SLC44A3: variants seen among roughly 807,000 people sequenced by gnomAD.
SLC44A3 encodes the protein choline transporter-like protein 3.
Under a neutral mutation model 75.4 loss-of-function variants are expected in SLC44A3, and 74 were observed. The ratio of observed to expected loss-of-function variants is 0.98; its 90% CI spans 0.81 to 1.19. The LOEUF (loss-of-function observed/expected upper bound fraction) is 1.19. SLC44A3 is among the 50% of genes most tolerant of loss of function. The probability of loss-of-function intolerance (pLI) is 0.00; values close to 1 mark genes in which losing one functional copy is unlikely to be tolerated. For synonymous variants in SLC44A3, 310 were observed against 296.9 expected (o/e 1.04, Z -0.45); for missense variants, 700 against 778.6 (o/e 0.90, Z 1.20).
chr1:94,893,664 ACC>A (rs1670463408), intron 14 of SLC44A3, among the ~76,000 whole-genome samples: 1 of 152,104 alleles, frequency 6.6e-6, no homozygotes, highest in Non-Finnish European at 1.5e-5. Context: ...GTTGTGAGCC[ACC>A]GCACTCAGCC....
chr1:94,889,553 C>CACACACAA (rs370393089), intron 12 of SLC44A3, among the ~76,000 whole-genome samples: 2 of 149,428 alleles, frequency 1.3e-5, no homozygotes, highest in Admixed American at 6.7e-5. Flanking sequence ...CACACACACA[C>CACACACAA]ATTTGTAGTC....
At chr1:94,833,744 A>G (rs1048676721) in intron 5 of SLC44A3, among the ~76,000 whole-genome samples, 7 of 152,118 alleles carry the variant, frequency 4.6e-5, no homozygotes, top group Non-Finnish European at 8.8e-5. Flanking sequence ...ATGGAGTCAC[A>G]TGACAAGTCT....
chr1:94,886,514 C>T (rs909715547), intron 12 of SLC44A3, among the ~76,000 whole-genome samples: 4 of 152,082 alleles, frequency 2.6e-5, no homozygotes, highest in Admixed American at 2.6e-4. Flanking sequence ...CCTGCTGCTG[C>T]CTCCTACCCT....
chr1:94,873,632 G>T (rs148832577), intron 12 of SLC44A3, among the ~76,000 whole-genome samples: 1 of 151,962 alleles, frequency 6.6e-6, no homozygotes, highest in African/African-American at 2.4e-5. Context: ...CTCTTCCCCC[G>T]CCCCTTTCCT....
intron 14 of SLC44A3, among the ~76,000 whole-genome samples, chr1:94,893,636 A>G (rs576638325): frequency 2.6e-5 from 4 of 152,088 alleles, no homozygotes; most frequent in Admixed American, 2.6e-4. Flanking sequence ...TCGGCCTCCC[A>G]CAAGTGCTGG....
Position 94,858,024 on chromosome 1 carries a change from G to T in SLC44A3, c.1238+524G>T, listed in dbSNP as rs564276321. On this transcript the variant is annotated intron_variant, in intron 10 of 14. Coordinates refer to ENST00000271227, the MANE Select transcript of SLC44A3 (RefSeq NM_001114106.3). ...AGACAGGGTTTCACCATGTTGGCCA[G>T]GATGGTCTTGATCTCTTGACCTCGT... is the stretch of plus-strand genomic sequence containing the variant. Among the ~76,000 whole-genome samples, 502 of 152,092 alleles carry T rather than the reference G, an allele frequency of 3.3e-3. 1 individual carries two copies. The highest frequency in any genetic ancestry group is 5.3e-3 in the Non-Finnish European group (362 of 67,992).
chr1:94,862,379 C>A (rs564738730), intron 10 of SLC44A3, among the ~76,000 whole-genome samples: 136 of 152,290 alleles, frequency 8.9e-4, no homozygotes, highest in African/African-American at 3.1e-3. Context: ...CAAAGCTTGT[C>A]TCTAGGACCA....
At chr1:94,847,157 A>G (rs1038039945) in intron 9 of SLC44A3, among the ~76,000 whole-genome samples, 3 of 152,246 alleles carry the variant, frequency 2.0e-5, no homozygotes, top group Non-Finnish European at 4.4e-5. Context: ...AACTCAAAAC[A>G]ACAGTGGCTA....
At chr1:94,826,637 CA>C (rs34931563) in intron 3 of SLC44A3, among the ~76,000 whole-genome samples, 115,664 of 128,076 alleles carry the variant, frequency 0.9, 52,128 homozygotes, top group Non-Finnish European at 0.96. Context: ...GACTCTGTCT[CA>C]AAAAAAAAAA....
chr1:94,853,565 C>T (rs974536873), intron 9 of SLC44A3, among the ~76,000 whole-genome samples: 1 of 152,112 alleles, frequency 6.6e-6, no homozygotes, highest in Non-Finnish European at 1.5e-5. Context: ...GAAGTGTGGC[C>T]ATAGGATCAT....
intron 9 of SLC44A3, 53 bp from the exon 10 acceptor site, chr1:94,857,282 G>A (rs1665991614): frequency 6.7e-7 from 1 of 1,495,916 alleles, no homozygotes; most frequent in South Asian, 1.4e-5. Context: ...TTGAACCATG[G>A]TTCATGCTTA....
At chr1:94,857,784 G>C (rs1254987708) in intron 10 of SLC44A3, among the ~76,000 whole-genome samples, 2 of 149,574 alleles carry the variant, frequency 1.3e-5, no homozygotes, top group Non-Finnish European at 3.0e-5. Flanking sequence ...AAGATAAAAA[G>C]GGGCTGCTCT....
At chr1:94,844,866 G>A (rs1571248225) in intron 8 of SLC44A3, among the ~76,000 whole-genome samples, 1 of 152,216 alleles carries the variant, frequency 6.6e-6, no homozygotes, top group Non-Finnish European at 1.5e-5. Flanking sequence ...GGGAAAGCTA[G>A]AAGAAGGCAC....
At chr1:94,849,930 T>C (rs1664986753) in intron 9 of SLC44A3, among the ~76,000 whole-genome samples, 1 of 152,092 alleles carries the variant, frequency 6.6e-6, no homozygotes, top group Non-Finnish European at 1.5e-5. Context: ...TATTTTTTTG[T>C]AGAGACAGGA....
chr1:94,878,053 T>A (rs1173371590), intron 12 of SLC44A3, among the ~76,000 whole-genome samples: 3 of 151,894 alleles, frequency 2.0e-5, no homozygotes, highest in Admixed American at 1.3e-4. Flanking sequence ...GCTAACACGG[T>A]GAAACCCCGT....
chr1:94,857,662 G>T (rs973347880), intron 10 of SLC44A3, among the ~76,000 whole-genome samples, 162 bp downstream of exon 10: 3 of 152,102 alleles, frequency 2.0e-5, no homozygotes, highest in Non-Finnish European at 2.9e-5. Flanking sequence ...CTCATTTGGT[G>T]GTGAGAAGAA....
intron 6 of SLC44A3, among the ~76,000 whole-genome samples, chr1:94,839,685 G>T (rs1399492847): frequency 6.6e-6 from 1 of 152,096 alleles, no homozygotes; most frequent in African/African-American, 2.4e-5. Flanking sequence ...CACCATGCCC[G>T]GCCAAATTTT....
intron 12 of SLC44A3, among the ~76,000 whole-genome samples, chr1:94,879,396 G>A (rs1338545235): frequency 6.6e-6 from 1 of 151,954 alleles, no homozygotes; most frequent in Non-Finnish European, 1.5e-5. Flanking sequence ...GCCAGGTGTG[G>A]TGGTGCATGC....
chr1:94,846,867 C>A (rs901335336), intron 9 of SLC44A3, among the ~76,000 whole-genome samples: 5 of 152,248 alleles, frequency 3.3e-5, no homozygotes, highest in Non-Finnish European at 7.3e-5. Context: ...TAAGTAAGAA[C>A]AGCTGCCATG....
Sources: gnomAD v4.1 joint callset for allele counts (sites outside exome capture counted in the v4.1 genomes callset) on GRCh38, gnomAD v4.1.1 for gene constraint, MANE v1.5 for transcripts, NCBI Gene and HGNC (gene_info 2026-07-23, HGNC 2026-07-21) for gene names.